The following ZNF638 variants were observed in gnomAD, a reference collection of about 807,000 sequenced individuals.
ZNF638 encodes the protein zinc finger protein 638.
Under a neutral mutation model 195.6 loss-of-function variants are expected in ZNF638, and 46 were observed. That is an observed-to-expected ratio of 0.24 (90% confidence interval 0.19 to 0.30). The LOEUF (loss-of-function observed/expected upper bound fraction) is 0.30, where lower values mean the gene tolerates loss of function less well. Ranked by LOEUF, ZNF638 falls within the 10% of genes least tolerant of loss-of-function variation. The pLI is 1.00. For missense variants in ZNF638, 2,440 were observed against 2,325.3 expected, an observed-to-expected ratio of 1.05 and a Z score of -1.01; for synonymous variants, 845 against 772.0, an observed-to-expected ratio of 1.09 and a Z score of -1.57.
intron 2 of ZNF638, among the ~76,000 whole-genome samples, chr2:71,352,495 TAAAAA>T (rs58110916): frequency 0.01 from 1,409 of 134,638 alleles, 22 homozygotes; most frequent in African/African-American, 0.037. Context: ...ATAAAAAAAA[TAAAAA>T]AAAAAAAAAA....
chr2:71,419,492 A>G (rs889120358), intron 21 of ZNF638, among the ~76,000 whole-genome samples: 8 of 152,204 alleles, frequency 5.3e-5, no homozygotes, highest in African/African-American at 1.9e-4. Context: ...TTTTCTTCTC[A>G]GTAATTTTTA....
intron 8 of ZNF638, among the ~76,000 whole-genome samples, chr2:71,378,565 A>C (rs936864178): frequency 2.0e-5 from 3 of 152,218 alleles, no homozygotes; most frequent in African/African-American, 7.2e-5. Flanking sequence ...CTGGTATCAC[A>C]GAGTTTTAAC....
rs1331496786 is a variant in ZNF638 at position 71,402,018 on chromosome 2, A to G, written c.2760A>G (p.Glu920=). The change falls in exon 16 of 28, where the codon GAA becomes GAG. Residue 920 remains glutamate (E), a synonymous_variant. Coordinates refer to ENST00000264447, the MANE Select transcript of ZNF638 (RefSeq NM_014497.5). ...TGCCTAATAAAGGATATTCTGTAGA[A>G]GAAGTTTATGACTTAGCAAAACCAT... is the stretch of plus-strand genomic sequence containing the variant. ...SNLPNKGYSV[E]EVYDLAKPFG... is the part of the protein sequence containing the mutation. The G allele has an allele frequency of 1.2e-6, 2 of 1,609,222 alleles. No homozygotes were observed. Among genetic ancestry groups the G allele is most frequent in the Non-Finnish European group, 1.7e-6 (2 of 1,177,400 alleles).
chr2:71,409,581 A>G lies in ZNF638; in HGVS notation c.3261+1334A>G, dbSNP rs925385318. 3.3e-5 allele frequency among the ~76,000 whole-genome samples: 5 copies of G among 152,192 alleles called. 1 individual carries two copies. In the South Asian group the frequency reaches 1.0e-3, roughly 32 times the overall value. On this transcript the variant is annotated intron_variant, in intron 20 of 27. Coordinates refer to ENST00000264447, the MANE Select transcript of ZNF638 (RefSeq NM_014497.5). ...TCACAGGTGAGTTTCTTATATTCCC[A>G]GTCATTTCTCAAAATGGCGCCACAT...
intron 26 of ZNF638, among the ~76,000 whole-genome samples, chr2:71,432,825 G>T (rs902292344): frequency 7.2e-5 from 11 of 152,300 alleles, no homozygotes; most frequent in African/African-American, 2.6e-4. Flanking sequence ...TGGCTCACAC[G>T]TGTAATCCCA....
chr2:71,433,401 TC>T (rs766447789), intron 27 of ZNF638, 118 bp downstream of exon 27: 32 of 698,672 alleles, frequency 4.6e-5, no homozygotes, highest in Non-Finnish European at 7.0e-5. Context: ...GCCAGTTTAT[TC>T]CTCTTAAGTC....
chr2:71,421,425 A>AT (rs1263478621), intron 21 of ZNF638, among the ~76,000 whole-genome samples: 1 of 152,114 alleles, frequency 6.6e-6, no homozygotes, highest in Non-Finnish European at 1.5e-5. Flanking sequence ...ATATATATTG[A>AT]TTAAGGTTTA....
chr2:71,427,719 G>T (rs1028880207), intron 24 of ZNF638, among the ~76,000 whole-genome samples: 2 of 152,152 alleles, frequency 1.3e-5, no homozygotes, highest in Non-Finnish European at 1.5e-5. Context: ...GTGGGAAAAA[G>T]ACAACTTTTG....
intron 25 of ZNF638, among the ~76,000 whole-genome samples, chr2:71,429,751 T>C (rs887626167): frequency 1.3e-5 from 2 of 152,254 alleles, no homozygotes; most frequent in Non-Finnish European, 2.9e-5. Context: ...CATTAGGTTG[T>C]TGTCAAACGT....
At chr2:71,344,309 G>A (rs1404999419) in intron 1 of ZNF638, among the ~76,000 whole-genome samples, 1 of 152,176 alleles carries the variant, frequency 6.6e-6, no homozygotes, top group East Asian at 1.9e-4. Flanking sequence ...GGACCTGCCA[G>A]TGGATGCTGA....
At chr2:71,344,030 C>T (rs991827425) in intron 1 of ZNF638, among the ~76,000 whole-genome samples, 50 of 152,154 alleles carry the variant, frequency 3.3e-4, no homozygotes, top group African/African-American at 1.0e-3. Flanking sequence ...CTCAGGAGGG[C>T]GAGACAGGAG....
At chr2:71,400,594 G>T in intron 15 of ZNF638, 76 bp downstream of exon 15, 1 of 1,296,994 alleles carries the variant, frequency 7.7e-7, no homozygotes, top group Admixed American at 2.6e-5. Flanking sequence ...ATAAACCCAG[G>T]TAAAAAATTC....
At chr2:71,431,234 C>A in intron 25 of ZNF638, 93 bp from the exon 26 acceptor site, 1 of 1,112,416 alleles carries the variant, frequency 9.0e-7, no homozygotes, top group Non-Finnish European at 1.3e-6. Flanking sequence ...GGAGGTTTTC[C>A]CTGAGAAAGA....
At position 71,365,683 on chromosome 2, in the gene ZNF638, A is replaced by G. The variant is rs1371741429; in HGVS notation, c.1972A>G (p.Lys658Glu). ...GTCAGAATGTAAACAGGTGTCTGAT[A>G]AAGCTGTTTCTCTCCAGCGAAAGGT... is the stretch of plus-strand genomic sequence containing the variant. ...TLSECKQVSD[K>E]AVSLQRKLRK... Residue 658 changes from lysine to glutamate, a missense_variant, in exon 6 of 28, where the codon AAA (lysine) becomes GAA (glutamate). This residue lies in a region of ZNF638 where 1,883 missense variants were observed against 1,739.1 expected (regional missense o/e 1.08). Transcript: ENST00000264447. 3 of 1,612,280 alleles carry G rather than the reference A, an allele frequency of 1.9e-6. No individual in the cohort carries two copies. In the South Asian group the frequency reaches 3.3e-5, roughly 18 times the overall value.
chr2:71,370,320 T>C lies in ZNF638; in HGVS notation c.2265+315T>C, dbSNP rs532413525. Among the ~76,000 whole-genome samples the C allele has an allele frequency of 5.9e-5, 9 of 152,316 alleles. No individual in the cohort carries two copies. The South Asian group carries it at 1.9e-3, about 32-fold the overall frequency. ...ATCTGGAAGTCCCTTGCTTGCTTCTTCCCAATTCTTACACCCTCCCTTCTT... is the reference window on the plus strand; with the variant it reads ...ATCTGGAAGTCCCTTGCTTGCTTCTCCCCAATTCTTACACCCTCCCTTCTT... On this transcript the variant is annotated intron_variant, in intron 8 of 27. Transcript: ENST00000264447.
At chr2:71,400,603 T>G (rs886449688) in intron 15 of ZNF638, 85 bp downstream of exon 15, 2 of 1,168,342 alleles carry the variant, frequency 1.7e-6, no homozygotes, top group African/African-American at 1.6e-5. Flanking sequence ...GGTAAAAAAT[T>G]CATGGTATTT....
chr2:71,391,855 C>G (rs1037206178), intron 10 of ZNF638, among the ~76,000 whole-genome samples: 2 of 152,070 alleles, frequency 1.3e-5, no homozygotes, highest in African/African-American at 2.4e-5. Flanking sequence ...GGAAATAGAC[C>G]AAGTTATTTC....
chr2:71,339,884 C>CG (rs1028898042), intron 1 of ZNF638, among the ~76,000 whole-genome samples: 1 of 152,084 alleles, frequency 6.6e-6, no homozygotes, highest in African/African-American at 2.4e-5. Flanking sequence ...TGCACATCTG[C>CG]GGGGGAGCAT....
chr2:71,341,850 A>C (rs935263037), intron 1 of ZNF638: 2 of 152,082 alleles, frequency 1.3e-5, no homozygotes, highest in Non-Finnish European at 2.9e-5. Context: ...ATTAATGCCA[A>C]ATTTGCCTTT....
Sources: gnomAD v4.1 joint callset for allele counts (sites outside exome capture counted in the v4.1 genomes callset) on GRCh38, gnomAD v4.1.1 for gene constraint, gnomAD v4.1.1 regional missense constraint, MANE v1.5 for transcripts, NCBI Gene and HGNC (gene_info 2026-07-23, HGNC 2026-07-21) for gene names.